Variants in COL11A1 observed in about 807,000 individuals in gnomAD.
COL11A1 encodes the protein collagen type XI alpha 1 chain, also known as collagen alpha-1(XI) chain.
A neutral mutation model predicts 265.2 loss-of-function variants in COL11A1; 74 were observed. The ratio of observed to expected loss-of-function variants is 0.28; its 90% CI spans 0.23 to 0.34. COL11A1 has a LOEUF of 0.34. Among genes scored for constraint, COL11A1 ranks in the 10% least tolerant of loss-of-function variants. The pLI is 1.00. For missense variants in COL11A1, 2,165 were observed against 2,263.6 expected, an observed-to-expected ratio of 0.96 and a Z score of 0.88; for synonymous variants, 816 against 727.6, an observed-to-expected ratio of 1.12 and a Z score of -1.96.
intron 41 of COL11A1, among the ~76,000 whole-genome samples, chr1:102,957,683 C>A (rs759389070): frequency 1.3e-5 from 2 of 152,014 alleles, no homozygotes; most frequent in African/African-American, 2.4e-5. Context: ...ACTCTTCTCA[C>A]TCTCTTTTGA....
chr1:102,879,887 G>A lies in COL11A1; in HGVS notation c.5070C>T (p.Ser1690=), dbSNP rs1047706446. ...LLSYLDVEGN[S]INMVQMTFLK... is the part of the protein sequence containing the mutation. Reference sequence around the variant, plus strand: ...GGAATGTCATTTGCACCATATTGATGGAATTTCCTTCAACATCTAAGTATG... The same window carrying A: ...GGAATGTCATTTGCACCATATTGATAGAATTTCCTTCAACATCTAAGTATG... Residue 1690 remains serine (S), a synonymous_variant, in exon 66 of 67, where the codon TCC becomes TCT. Coordinates refer to ENST00000370096, the MANE Select transcript of COL11A1 (RefSeq NM_001854.4). 1.9e-6 allele frequency: 3 copies of A among 1,613,402 alleles called. No individual in the cohort carries two copies. The highest frequency in any genetic ancestry group is 2.7e-5 in the African/African-American group (2 of 74,854).
Position 102,987,718 on chromosome 1 carries a change from G to A in COL11A1, c.2417C>T (p.Pro806Leu), listed in dbSNP as rs757495447. 1.9e-6 allele frequency: 3 copies of A among 1,613,312 alleles called. No individual in the cohort carries two copies. The highest frequency in any genetic ancestry group is 2.5e-6 in the Non-Finnish European group (3 of 1,179,602). The change falls in exon 30 of 67, where the codon CCA becomes CTA. Residue 806 changes from proline to leucine, a missense_variant. Coordinates refer to ENST00000370096, the MANE Select transcript of COL11A1 (RefSeq NM_001854.4). ...TCCTTCAGGGCCATCTTCCCCTCTT[G>A]GGCCAATTTGACCAACTTCTCCCTG... ...GDRGEVGQIG[P>L]RGEDGPEGPK... is the part of the protein sequence containing the mutation.
intron 4 of COL11A1, among the ~76,000 whole-genome samples, chr1:103,074,123 A>G (rs1196185674): frequency 6.6e-6 from 1 of 151,978 alleles, no homozygotes; most frequent in Admixed American, 6.6e-5. Context: ...AATTTGATGG[A>G]AATATCTTAC....
At chr1:102,968,270 C>T (rs1371628883) in intron 37 of COL11A1, among the ~76,000 whole-genome samples, 1 of 152,162 alleles carries the variant, frequency 6.6e-6, no homozygotes, top group Non-Finnish European at 1.5e-5. Flanking sequence ...GAAAAATATG[C>T]TGTTACAATC....
intron 49 of COL11A1, among the ~76,000 whole-genome samples, chr1:102,916,214 T>G (rs1352288051): frequency 6.6e-6 from 1 of 152,172 alleles, no homozygotes; most frequent in African/African-American, 2.4e-5. Flanking sequence ...TACTTAGACG[T>G]TAATTAAAAT....
At chr1:103,096,571 G>A (rs1359972029) in intron 1 of COL11A1, among the ~76,000 whole-genome samples, 2 of 151,980 alleles carry the variant, frequency 1.3e-5, no homozygotes, top group African/African-American at 4.8e-5. Context: ...ATGCAAGTCT[G>A]AAGTTCAGGG....
At chr1:102,956,145 G>C (rs977537734) in intron 41 of COL11A1, among the ~76,000 whole-genome samples, 1 of 152,056 alleles carries the variant, frequency 6.6e-6, no homozygotes, top group Non-Finnish European at 1.5e-5. Flanking sequence ...TTTACTAAGA[G>C]GACAAAAAGT....
At chr1:102,944,598 G>A (rs57331245) in intron 42 of COL11A1, among the ~76,000 whole-genome samples, 3,030 of 152,126 alleles carry the variant, frequency 0.02, 105 homozygotes, top group African/African-American at 0.069. Context: ...AAAGGCTAAT[G>A]TCAATAATTT....
intron 24 of COL11A1, 38 bp from the exon 25 acceptor site, chr1:102,998,401 A>C: frequency 6.9e-7 from 1 of 1,447,808 alleles, no homozygotes. Context: ...AGATAAAAAT[A>C]ATTTTAAAAA....
At chr1:102,886,584 CTT>C (rs1426616275) in intron 63 of COL11A1, among the ~76,000 whole-genome samples, 1 of 152,134 alleles carries the variant, frequency 6.6e-6, no homozygotes, top group Non-Finnish European at 1.5e-5. Context: ...CAAAAATGAT[CTT>C]GTCATAATTT....
intron 28 of COL11A1, among the ~76,000 whole-genome samples, chr1:102,994,830 G>A (rs1262397306): frequency 6.6e-6 from 1 of 152,060 alleles, no homozygotes; most frequent in Non-Finnish European, 1.5e-5. Flanking sequence ...ATTTATAAGG[G>A]AAAGAGGTTT....
intron 9 of COL11A1, among the ~76,000 whole-genome samples, chr1:103,020,102 T>C (rs375667531): frequency 1.3e-5 from 2 of 151,842 alleles, no homozygotes; most frequent in East Asian, 2.0e-4. Context: ...GGGTATATAC[T>C]CAGTAATGGG....
chr1:103,031,852 G>T (rs1158711515), intron 4 of COL11A1, among the ~76,000 whole-genome samples: 1 of 145,714 alleles, frequency 6.9e-6, no homozygotes, highest in East Asian at 2.0e-4. Flanking sequence ...TTTATATTAA[G>T]AAAAAAAAAA....
At chr1:102,996,259 T>A (rs1557920266) in intron 26 of COL11A1, among the ~76,000 whole-genome samples, 1 of 152,114 alleles carries the variant, frequency 6.6e-6, no homozygotes, top group African/African-American at 2.4e-5. Context: ...TTATGTCATA[T>A]ATTCATACTA....
chr1:102,933,366 G>C (rs376427605), intron 46 of COL11A1, among the ~76,000 whole-genome samples: 1 of 145,208 alleles, frequency 6.9e-6, no homozygotes, highest in East Asian at 2.1e-4. Context: ...AGGTGTCAGT[G>C]TGCCCCTGCT....
chr1:103,097,139 A>G (rs766891184), intron 1 of COL11A1, among the ~76,000 whole-genome samples: 1 of 152,014 alleles, frequency 6.6e-6, no homozygotes, highest in Non-Finnish European at 1.5e-5. Flanking sequence ...GGGACAACCT[A>G]GTTATGTGTT....
At chr1:102,928,795 T>A in intron 46 of COL11A1, among the ~76,000 whole-genome samples, 1 of 143,828 alleles carries the variant, frequency 7.0e-6, no homozygotes, top group African/African-American at 2.6e-5. Flanking sequence ...TTCTAACTGG[T>A]GTGAGATGGT....
intron 4 of COL11A1, among the ~76,000 whole-genome samples, chr1:103,052,861 T>C (rs1669939575): frequency 6.6e-6 from 1 of 152,156 alleles, no homozygotes; most frequent in Non-Finnish European, 1.5e-5. Context: ...AATCTAGCAC[T>C]CAAGAAATAC....
At chr1:103,018,897 A>G in intron 9 of COL11A1, 38 bp from the exon 10 acceptor site, 1 of 1,545,554 alleles carries the variant, frequency 6.5e-7, no homozygotes, top group Non-Finnish European at 8.9e-7. Flanking sequence ...CCAGGGAAAT[A>G]TAACCCCCAA....
Sources: allele counts gnomAD v4.1 joint callset (sites outside exome capture counted in the v4.1 genomes callset), GRCh38; gene constraint gnomAD v4.1.1; transcripts MANE v1.5; gene names NCBI Gene and HGNC (gene_info 2026-07-23, HGNC 2026-07-21).